TANGO6: variants seen among roughly 807,000 people sequenced by gnomAD.
TANGO6 encodes the protein transport and Golgi organization protein 6 homolog.
Under a neutral mutation model 114.2 loss-of-function variants are expected in TANGO6, and 90 were observed. That is an observed-to-expected ratio of 0.79 (90% CI 0.66 to 0.94). The LOEUF (loss-of-function observed/expected upper bound fraction) is 0.94. Among genes scored for constraint, TANGO6 ranks in the 40% least tolerant of loss-of-function variants. TANGO6 has a pLI of 0.00. For missense variants in TANGO6, 1,274 were observed against 1,315.3 expected (o/e 0.97, Z 0.49); for synonymous variants, 477 against 509.8 (o/e 0.94, Z 0.87).
chr16:69,028,939 G>T (rs934494420), intron 16 of TANGO6, among the ~76,000 whole-genome samples: 8 of 151,720 alleles, frequency 5.3e-5, no homozygotes, highest in Admixed American at 5.3e-4. Context: ...AAGTGGACCA[G>T]CTGAGACTTG....
At chr16:68,863,445 C>A (rs8056281) in intron 3 of TANGO6, among the ~76,000 whole-genome samples, 42,243 of 151,750 alleles carry the variant, frequency 0.28, 7,306 homozygotes, top group African/African-American at 0.5. Context: ...TCTCTACTAA[C>A]AATACAAAAA....
intron 5 of TANGO6, among the ~76,000 whole-genome samples, chr16:68,875,800 A>G (rs1438423483): frequency 6.6e-6 from 1 of 151,822 alleles, no homozygotes; most frequent in Non-Finnish European, 1.5e-5. Context: ...CCTCACCACT[A>G]CTAAATGATT....
intron 16 of TANGO6, among the ~76,000 whole-genome samples, chr16:69,025,054 TGCCTCG>T (rs1959476460): frequency 6.6e-6 from 1 of 151,964 alleles, no homozygotes; most frequent in African/African-American, 2.4e-5. Context: ...GTGATCCTCC[TGCCTCG>T]GCCTCCCAAA....
chr16:68,941,119 G>A (rs1266722373), intron 14 of TANGO6, among the ~76,000 whole-genome samples: 2 of 152,098 alleles, frequency 1.3e-5, no homozygotes, highest in East Asian at 1.9e-4. Context: ...ATTTTATTGG[G>A]TTTATGTAAA....
At position 68,980,036 on chromosome 16, in the gene TANGO6, C is replaced by A. The variant is rs149349823; in HGVS notation, c.2842+5868C>A. 4.6e-3 allele frequency among the ~76,000 whole-genome samples: 702 copies of A among 151,536 alleles called. 5 individuals carry two copies. Among genetic ancestry groups the A allele is most frequent in the African/African-American group, 0.016 (669 of 41,344 alleles). ...TTTTTTTTGGTATTTTTAGTAGAGACGGGGTTTCACCATGCTGGCCAGGCT... is the reference window on the plus strand; with the variant it reads ...TTTTTTTTGGTATTTTTAGTAGAGAAGGGGTTTCACCATGCTGGCCAGGCT... On this transcript the variant is annotated intron_variant, in intron 15 of 17. Transcript: ENST00000261778.
At chr16:69,062,137 G>A (rs1277385708) in intron 17 of TANGO6, among the ~76,000 whole-genome samples, 1 of 152,228 alleles carries the variant, frequency 6.6e-6, no homozygotes, top group Non-Finnish European at 1.5e-5. Context: ...GGGAAAAGAT[G>A]CAATTTTAAT....
chr16:68,928,092 A>T lies in TANGO6; in HGVS notation c.2643+9A>T. The T allele has an allele frequency of 6.4e-7, 1 of 1,561,654 alleles. No homozygotes were observed. Among genetic ancestry groups the T allele is most frequent in the Non-Finnish European group, 8.7e-7 (1 of 1,153,302 alleles). ...AAGAGAAGCTTCTCAAGGTGAGTAG[A>T]ACACACTGTAAAGACACATGGGCAC... On this transcript the variant is annotated intron_variant, in intron 13 of 17. Transcript: ENST00000261778.
At chr16:69,066,846 A>G (rs1960219588) in intron 17 of TANGO6, among the ~76,000 whole-genome samples, 1 of 152,112 alleles carries the variant, frequency 6.6e-6, no homozygotes. Context: ...TGAGGCCAGG[A>G]GTTTAAGACA....
Position 68,906,593 on chromosome 16 carries a change from G to T in TANGO6, c.1668-850G>T, listed in dbSNP as rs375688687. 1.7e-4 allele frequency among the ~76,000 whole-genome samples: 26 copies of T among 150,322 alleles called. No individual in the cohort carries two copies. In the East Asian group the frequency reaches 4.5e-3, roughly 26 times the overall value. On this transcript the variant is annotated intron_variant, in intron 9 of 17. Coordinates refer to ENST00000261778, the MANE Select transcript of TANGO6 (RefSeq NM_024562.2). The stretch of plus-strand genomic sequence containing the variant: ...CCATCTTTTTTTTTTTTGTAGAAAT[G>T]AGATCTTGCCATGTTGTCTATGTTA...
intron 15 of TANGO6, among the ~76,000 whole-genome samples, chr16:69,020,885 C>G (rs1045345264): frequency 7.0e-6 from 1 of 141,912 alleles, no homozygotes; most frequent in African/African-American, 2.7e-5. Context: ...AGACCCACCC[C>G]CCCTTTATAT....
At chr16:69,021,853 A>G (rs1413039117) in intron 15 of TANGO6, among the ~76,000 whole-genome samples, 3 of 150,678 alleles carry the variant, frequency 2.0e-5, no homozygotes, top group African/African-American at 7.3e-5. Context: ...TATGATATAT[A>G]CATTTTTTGT....
chr16:68,912,137 A>G (rs1962929616), intron 11 of TANGO6, among the ~76,000 whole-genome samples: 1 of 152,224 alleles, frequency 6.6e-6, no homozygotes, highest in Admixed American at 6.5e-5. Context: ...GGGTAACCAA[A>G]TGGTATACGA....
At chr16:68,859,331 C>T (rs949576080) in intron 1 of TANGO6, among the ~76,000 whole-genome samples, 12 of 152,148 alleles carry the variant, frequency 7.9e-5, no homozygotes, top group Admixed American at 3.3e-4. Context: ...CCACCATAGC[C>T]AGCTGATTCT....
At position 68,860,336 on chromosome 16, in the gene TANGO6, G is replaced by T. The variant is rs752913808; in HGVS notation, c.547G>T (p.Val183Leu). ...ATTTGGTGCCGTCGTTCAAGACGTGGTGTGTTTTGATGCTGCCCCCGATGC... is the reference window on the plus strand; with the variant it reads ...ATTTGGTGCCGTCGTTCAAGACGTGTTGTGTTTTGATGCTGCCCCCGATGC... ...TEFGAVVQDV[V>L]CFDAAPDATR... The change falls in exon 2 of 18, where the codon GTG becomes TTG. Residue 183 changes from valine to leucine, a missense_variant. This residue lies in a region of TANGO6 where 908 missense variants were observed against 910.2 expected (regional missense o/e 1.00). Transcript: ENST00000261778. The T allele has an allele frequency of 4.3e-6, 7 of 1,613,976 alleles. No individual in the cohort carries two copies. The South Asian group carries it at 6.6e-5, about 15-fold the overall frequency.
At chr16:68,902,718 T>C (rs1033862799) in intron 9 of TANGO6, among the ~76,000 whole-genome samples, 4 of 152,228 alleles carry the variant, frequency 2.6e-5, no homozygotes, top group African/African-American at 9.6e-5. Flanking sequence ...TGCAATTTAC[T>C]GGAGCCTCAC....
chr16:68,918,763 G>A (rs1597019303), intron 11 of TANGO6, among the ~76,000 whole-genome samples: 1 of 152,160 alleles, frequency 6.6e-6, no homozygotes, highest in Non-Finnish European at 1.5e-5. Context: ...GAAACACTTG[G>A]GAGCTTCCCG....
In TANGO6 at chr16:68,898,018, G is replaced by A. The variant is rs1346625858; in HGVS notation, c.1378-2416G>A. On this transcript the variant is annotated intron_variant, in intron 7 of 17. Coordinates refer to ENST00000261778, the MANE Select transcript of TANGO6 (RefSeq NM_024562.2). ...ACTCCATTTGTTTTTTGTTTTCTTT[G>A]TTGTTCTTGTTTGGGGGCTTATTAT... 2.6e-5 allele frequency among the ~76,000 whole-genome samples: 4 copies of A among 151,950 alleles called. No homozygotes were observed. In the East Asian group the frequency reaches 5.8e-4, roughly 22 times the overall value.
intron 9 of TANGO6, among the ~76,000 whole-genome samples, chr16:68,903,932 AAAG>A (rs1365699360): frequency 2.0e-5 from 3 of 152,236 alleles, no homozygotes; most frequent in Non-Finnish European, 2.9e-5. Context: ...AAAAAAAAAA[AAAG>A]AAGTTTATTT....
chr16:68,887,120 T>C (rs955795526), intron 7 of TANGO6, among the ~76,000 whole-genome samples: 6 of 152,234 alleles, frequency 3.9e-5, no homozygotes, highest in African/African-American at 1.2e-4. Context: ...TCCATACTTT[T>C]GATCCTTCTC....
Sources: gnomAD v4.1 joint callset for allele counts (sites outside exome capture counted in the v4.1 genomes callset) on GRCh38, gnomAD v4.1.1 for gene constraint, gnomAD v4.1.1 regional missense constraint, MANE v1.5 for transcripts, NCBI Gene and HGNC (gene_info 2026-07-23, HGNC 2026-07-21) for gene names.